LRRC63: variants seen among roughly 807,000 people sequenced by gnomAD.
LRRC63 encodes leucine-rich repeat-containing protein 63.
A neutral mutation model predicts 49.5 loss-of-function variants in LRRC63; 40 were observed. The ratio of observed to expected loss-of-function variants is 0.81; its 90% confidence interval spans 0.63 to 1.05. The LOEUF is 1.05. Among genes scored for constraint, LRRC63 ranks in the 50% least tolerant of loss-of-function variants. The pLI, the probability that LRRC63 is intolerant of heterozygous loss-of-function variation, is 0.00. For synonymous variants in LRRC63, 191 were observed against 221.1 expected (o/e 0.86, Z 1.21); for missense variants, 636 against 663.1 (o/e 0.96, Z 0.45).
At chr13:46,218,208 G>T (rs1484170289) in intron 2 of LRRC63, among the ~76,000 whole-genome samples, 1 of 152,154 alleles carries the variant, frequency 6.6e-6, no homozygotes, top group Non-Finnish European at 1.5e-5. Context: ...GGGTGTTAAA[G>T]TCTCCCATTA....
chr13:46,238,239 A>G (rs1465902312), intron 5 of LRRC63, among the ~76,000 whole-genome samples: 1 of 152,204 alleles, frequency 6.6e-6, no homozygotes, highest in Admixed American at 6.5e-5. Flanking sequence ...AGCATTAGAC[A>G]GATCATCAAG....
chr13:46,263,480 AT>A (rs10708261), intron 8 of LRRC63, among the ~76,000 whole-genome samples: 51,580 of 151,810 alleles, frequency 0.34, 8,913 homozygotes, highest in East Asian at 0.38. Context: ...CTAATCTGCT[AT>A]TTGGCTATCT....
chr13:46,242,289 G>A (rs1006078821), intron 5 of LRRC63, among the ~76,000 whole-genome samples: 5 of 152,054 alleles, frequency 3.3e-5, no homozygotes, highest in Non-Finnish European at 7.4e-5. Flanking sequence ...ACATAGAGGG[G>A]AACAATACAC....
intron 9 of LRRC63, among the ~76,000 whole-genome samples, chr13:46,274,976 C>T (rs192892825): frequency 1.3e-5 from 2 of 152,180 alleles, no homozygotes; most frequent in East Asian, 3.9e-4. Flanking sequence ...TTTTTAACCT[C>T]TCCTATCCTC....
At chr13:46,246,718 A>G (rs981884860) in intron 6 of LRRC63, 93 bp downstream of exon 6, 12 of 533,860 alleles carry the variant, frequency 2.2e-5, no homozygotes, top group South Asian at 6.5e-5. Flanking sequence ...TGAAGTTACT[A>G]TAAAGTACTG....
chr13:46,267,556 T>C (rs1258044780), intron 9 of LRRC63, among the ~76,000 whole-genome samples: 2 of 152,180 alleles, frequency 1.3e-5, no homozygotes, highest in Non-Finnish European at 2.9e-5. Context: ...TTAACAAATA[T>C]TTGCTATGTG....
In LRRC63 at chr13:46,226,612, A is replaced by C. The variant is rs1203604370; in HGVS notation, c.86-900A>C. Among the ~76,000 whole-genome samples, 4 of 152,134 alleles carry C rather than the reference A, an allele frequency of 2.6e-5. No homozygotes were observed. In the East Asian group the frequency reaches 7.7e-4, roughly 29 times the overall value. On this transcript the variant is annotated intron_variant, in intron 2 of 9. Transcript: ENST00000595396. ...TAAAAAGTCTCCCTCACTTGGTTTG[A>C]GATAGGGGACATCATCCCTCCTACA...
intron 9 of LRRC63, among the ~76,000 whole-genome samples, chr13:46,268,711 G>T (rs1318946101): frequency 6.6e-6 from 1 of 151,626 alleles, no homozygotes; most frequent in Non-Finnish European, 1.5e-5. Flanking sequence ...AAAGGAAGTT[G>T]CAAAGGATGT....
intron 2 of LRRC63, among the ~76,000 whole-genome samples, chr13:46,213,450 C>T (rs1029084097): frequency 1.2e-4 from 19 of 152,212 alleles, no homozygotes; most frequent in South Asian, 4.1e-4. Flanking sequence ...AACAAGGCTA[C>T]CTCTACCTTC....
At chr13:46,268,307 G>C (rs567325025) in intron 9 of LRRC63, among the ~76,000 whole-genome samples, 1 of 152,268 alleles carries the variant, frequency 6.6e-6, no homozygotes, top group South Asian at 2.1e-4. Context: ...CGGAGGTAAA[G>C]AGATTGGAGA....
In LRRC63 at chr13:46,231,210, CT is replaced by C. The variant is rs768815416; in HGVS notation, c.832+2479del. Reference sequence around the variant, plus strand: ...TGCCTGTTACCTGGTTCCAAAGTGGCTTCCACATTTTCATGTATCTTTATAG... The same window carrying C: ...TGCCTGTTACCTGGTTCCAAAGTGGCTCCACATTTTCATGTATCTTTATAG... On this transcript the variant is annotated intron_variant, in intron 4 of 9. Transcript: ENST00000595396. 1.6e-4 allele frequency among the ~76,000 whole-genome samples: 24 copies of C among 152,322 alleles called. No individual in the cohort carries two copies. In the East Asian group the frequency reaches 4.6e-3, roughly 29 times the overall value.
intron 4 of LRRC63, among the ~76,000 whole-genome samples, chr13:46,229,878 G>A (rs1234616): frequency 0.32 from 47,972 of 151,996 alleles, 7,813 homozygotes; most frequent in East Asian, 0.41. Context: ...TTTGCTGCTG[G>A]TGAGGGCCTC....
chr13:46,227,470 T>G, intron 2 of LRRC63, 42 bp from the exon 3 acceptor site: 1 of 1,254,550 alleles, frequency 8.0e-7, no homozygotes, highest in African/African-American at 1.5e-5. Context: ...TGTGACATAT[T>G]GATAAATATA....
intron 9 of LRRC63, 76 bp downstream of exon 9, chr13:46,267,048 G>GCAC: frequency 4.4e-6 from 6 of 1,348,556 alleles, no homozygotes; most frequent in Non-Finnish European, 5.9e-6. Flanking sequence ...AGGCTTAGAT[G>GCAC]ACAGTGTCAC....
At chr13:46,228,674 T>G in exon 4 of LRRC63, 1 of 1,542,616 alleles carries the variant, frequency 6.5e-7, no homozygotes, top group Non-Finnish European at 8.8e-7. Context: ...GAAACTCTTG[T>G]AACAGAAAAT....
At chr13:46,242,883 C>T (rs1417312150) in intron 5 of LRRC63, among the ~76,000 whole-genome samples, 6 of 152,044 alleles carry the variant, frequency 3.9e-5, no homozygotes, top group Non-Finnish European at 5.9e-5. Flanking sequence ...TTCATAAACA[C>T]CAAACCTGTC....
intron 8 of LRRC63, among the ~76,000 whole-genome samples, chr13:46,264,986 G>A (rs866683614): frequency 3.9e-5 from 6 of 152,130 alleles, no homozygotes; most frequent in East Asian, 3.9e-4. Flanking sequence ...GTGAAACCCC[G>A]TCTCTACTAA....
At chr13:46,216,408 G>T (rs530295919) in intron 2 of LRRC63, among the ~76,000 whole-genome samples, 1 of 152,220 alleles carries the variant, frequency 6.6e-6, no homozygotes, top group South Asian at 2.1e-4. Flanking sequence ...TTATGATGTG[G>T]CTCTCTGTTT....
chr13:46,215,597 T>G (rs1430768882), intron 2 of LRRC63, among the ~76,000 whole-genome samples: 1 of 152,228 alleles, frequency 6.6e-6, no homozygotes, highest in Non-Finnish European at 1.5e-5. Flanking sequence ...TTTCTTTTGC[T>G]GTGCAAAAGC....
Sources: gnomAD v4.1 joint callset for allele counts (sites outside exome capture counted in the v4.1 genomes callset) on GRCh38, gnomAD v4.1.1 for gene constraint, MANE v1.5 for transcripts, NCBI Gene and HGNC (gene_info 2026-07-23, HGNC 2026-07-21) for gene names.